RBMS3: variants seen among roughly 807,000 people sequenced by gnomAD.
RBMS3 encodes the protein RNA-binding motif, single-stranded-interacting protein 3.
Under a neutral mutation model 66.8 loss-of-function variants are expected in RBMS3, and 27 were observed. The observed-to-expected ratio is 0.40, with a 90% CI of 0.30 to 0.56. The LOEUF is 0.56. Among genes scored for constraint, RBMS3 ranks in the 20% least tolerant of loss-of-function variants. The pLI is 0.40. For synonymous variants in RBMS3, 188 were observed against 183.0 expected (o/e 1.03, Z -0.22); for missense variants, 513 against 549.5 (o/e 0.93, Z 0.66).
chr3:29,331,164 G>T (rs542579505), intron 1 of RBMS3, among the ~76,000 whole-genome samples: 3 of 152,188 alleles, frequency 2.0e-5, no homozygotes, highest in African/African-American at 7.2e-5. Flanking sequence ...GCTGCCTGGT[G>T]TTGGCACTCT....
At chr3:29,821,951 C>A (rs1435544470) in intron 6 of RBMS3, among the ~76,000 whole-genome samples, 1 of 152,162 alleles carries the variant, frequency 6.6e-6, no homozygotes, top group Non-Finnish European at 1.5e-5. Flanking sequence ...ACATCTGGCT[C>A]TTCTTCTCAA....
At chr3:29,869,105 C>T (rs2059428494) in intron 7 of RBMS3, 141 bp downstream of exon 7, 1 of 638,998 alleles carries the variant, frequency 1.6e-6, no homozygotes, top group Admixed American at 3.3e-5. Context: ...TGAGCAGACC[C>T]ATGTTAATGT....
At chr3:29,898,375 G>C (rs2060176173) in intron 9 of RBMS3, among the ~76,000 whole-genome samples, 1 of 151,574 alleles carries the variant, frequency 6.6e-6, no homozygotes, top group African/African-American at 2.4e-5. Context: ...TGCAGCTGGT[G>C]GGGGTGGATG....
At position 29,921,668 on chromosome 3, in the gene RBMS3, T is replaced by G. The variant is rs556736476; in HGVS notation, c.940-14418T>G. On this transcript the variant is annotated intron_variant, in intron 10 of 14. Coordinates refer to ENST00000383767, the MANE Select transcript of RBMS3 (RefSeq NM_001003793.3). ...ACAACAGGAATTACCGAAATGTAAT[T>G]ATAGCCAACTCTTCAGAGATGAGCC... 7.4e-4 allele frequency among the ~76,000 whole-genome samples: 113 copies of G among 152,256 alleles called. 1 individual carries two copies. The highest frequency in any genetic ancestry group is 1.2e-3 in the Admixed American group (18 of 15,292).
intron 2 of RBMS3, among the ~76,000 whole-genome samples, chr3:29,485,852 A>G (rs944240702): frequency 3.9e-5 from 6 of 152,160 alleles, no homozygotes; most frequent in African/African-American, 1.2e-4. Flanking sequence ...TCTGCTTCCA[A>G]TGGTGGGTGG....
chr3:29,515,983 A>AAATTGATATT (rs1419271808), intron 3 of RBMS3, among the ~76,000 whole-genome samples: 2 of 152,224 alleles, frequency 1.3e-5, no homozygotes, highest in African/African-American at 4.8e-5. Flanking sequence ...AATTCCGTCA[A>AAATTGATATT]AATTGATATT....
intron 6 of RBMS3, among the ~76,000 whole-genome samples, chr3:29,764,932 G>A (rs555433974): frequency 7.9e-5 from 12 of 151,928 alleles, no homozygotes; most frequent in Admixed American, 7.9e-4. Context: ...AAATAATTAT[G>A]TTCAGTTATA....
chr3:29,753,732 T>A (rs2055285032), intron 5 of RBMS3, among the ~76,000 whole-genome samples: 1 of 152,154 alleles, frequency 6.6e-6, no homozygotes. Context: ...GGAAGTACGA[T>A]TGCCCATAAT....
intron 4 of RBMS3, among the ~76,000 whole-genome samples, chr3:29,633,496 T>G (rs1477584630): frequency 1.3e-5 from 2 of 151,832 alleles, no homozygotes; most frequent in Non-Finnish European, 2.9e-5. Context: ...AAATGCAAGT[T>G]TACTGCTATC....
At chr3:29,387,794 C>G (rs1427265035) in intron 1 of RBMS3, among the ~76,000 whole-genome samples, 2 of 152,004 alleles carry the variant, frequency 1.3e-5, no homozygotes, top group African/African-American at 4.8e-5. Context: ...TCATGCCATG[C>G]TTTTCTGCTA....
intron 12 of RBMS3, among the ~76,000 whole-genome samples, chr3:29,986,964 C>CA (rs1698431849): frequency 1.3e-5 from 2 of 152,002 alleles, no homozygotes; most frequent in African/African-American, 4.8e-5. Flanking sequence ...AAAACAACAA[C>CA]AACAAAGAAA....
At chr3:29,782,164 T>G (rs760366081) in intron 6 of RBMS3, among the ~76,000 whole-genome samples, 190 of 152,152 alleles carry the variant, frequency 1.2e-3, no homozygotes, top group Non-Finnish European at 2.1e-3. Flanking sequence ...GTTTGTATCC[T>G]TATAGGACCA....
At chr3:29,654,115 C>T (rs963302341) in intron 4 of RBMS3, among the ~76,000 whole-genome samples, 1 of 152,066 alleles carries the variant, frequency 6.6e-6, no homozygotes, top group Non-Finnish European at 1.5e-5. Context: ...GCACTTCTGC[C>T]CTTTCTTTTT....
intron 1 of RBMS3, among the ~76,000 whole-genome samples, chr3:29,399,714 T>TGG (rs2039720694): frequency 2.4e-3 from 23 of 9,444 alleles, no homozygotes; most frequent in Admixed American, 0.021. Context: ...AAAAGTAATA[T>TGG]TTTTTTTAAC....
Position 29,902,601 on chromosome 3 carries a change from C to T in RBMS3, c.939+2846C>T, listed in dbSNP as rs535370378. Among the ~76,000 whole-genome samples the T allele has an allele frequency of 3.9e-5, 6 of 151,964 alleles. No individual in the cohort carries two copies. The South Asian group carries it at 1.2e-3, about 32-fold the overall frequency. On this transcript the variant is annotated intron_variant, in intron 10 of 14. Coordinates refer to ENST00000383767, the MANE Select transcript of RBMS3 (RefSeq NM_001003793.3). Reference sequence around the variant, plus strand: ...TCCTTTTTTCAGTAACTGGAGACTACCTTACAAATAAATTCAAGGTGTCAA... The same window carrying T: ...TCCTTTTTTCAGTAACTGGAGACTATCTTACAAATAAATTCAAGGTGTCAA...
chr3:29,627,641 C>A (rs1430294068), intron 4 of RBMS3, among the ~76,000 whole-genome samples: 2 of 152,060 alleles, frequency 1.3e-5, no homozygotes, highest in Non-Finnish European at 2.9e-5. Flanking sequence ...GAATGTACCC[C>A]CTTGAAATAA....
At chr3:29,557,052 C>T (rs1485278975) in intron 3 of RBMS3, among the ~76,000 whole-genome samples, 2 of 152,150 alleles carry the variant, frequency 1.3e-5, no homozygotes, top group Non-Finnish European at 2.9e-5. Context: ...CTTTCTGTCA[C>T]TCAAAGTAGG....
At chr3:29,312,478 A>G (rs981524788) in intron 1 of RBMS3, among the ~76,000 whole-genome samples, 45 of 151,790 alleles carry the variant, frequency 3.0e-4, no homozygotes, top group African/African-American at 9.9e-4. Context: ...TGTCTTTTAT[A>G]AATTTATTCA....
chr3:29,296,399 C>T (rs888962636), intron 1 of RBMS3, among the ~76,000 whole-genome samples: 1 of 151,774 alleles, frequency 6.6e-6, no homozygotes, highest in Non-Finnish European at 1.5e-5. Context: ...TTCTTAACAA[C>T]CCTCATCTGT....
Sources: allele counts gnomAD v4.1 joint callset (sites outside exome capture counted in the v4.1 genomes callset), GRCh38; gene constraint gnomAD v4.1.1; transcripts MANE v1.5; gene names NCBI Gene and HGNC (gene_info 2026-07-23, HGNC 2026-07-21).